Variants in CD4 observed in about 807,000 individuals in gnomAD.
CD4 encodes T-cell surface glycoprotein CD4.
Under a neutral mutation model 50.5 loss-of-function variants are expected in CD4, and 25 were observed. The observed-to-expected ratio is 0.49, with a 90% CI of 0.36 to 0.69. CD4 has a LOEUF of 0.69. CD4 is among the 30% of genes least tolerant of loss of function. The pLI, the probability that CD4 is intolerant of heterozygous loss-of-function variation, is 0.00. For synonymous variants in CD4, 207 were observed against 221.9 expected (o/e 0.93, Z 0.60); for missense variants, 456 against 548.5 (o/e 0.83, Z 1.68).
At chr12:6,794,812 T>C (rs532240369) in intron 1 of CD4, among the ~76,000 whole-genome samples, 44 of 144,652 alleles carry the variant, frequency 3.0e-4, no homozygotes, top group Non-Finnish European at 5.7e-4. Context: ...TGAGATAGAG[T>C]CTTGCTCTGT....
rs1459030507 is a variant in CD4, at chr12:6,818,472, G to A, written c.1208G>A (p.Gly403Glu). 6.2e-7 allele frequency: 1 copy of A among 1,612,896 alleles called. No homozygotes were observed. The highest frequency in any genetic ancestry group is 1.7e-5 in the Admixed American group (1 of 60,016). ...CAGCCAATGGCCCTGATTGTGCTGGGGGGCGTCGCCGGCCTCCTGCTTTTC... is the reference window on the plus strand; with the variant it reads ...CAGCCAATGGCCCTGATTGTGCTGGAGGGCGTCGCCGGCCTCCTGCTTTTC... Reference protein sequence around the residue: ...PVQPMALIVLGGVAGLLLFIG... With the variant: ...PVQPMALIVLEGVAGLLLFIG... Residue 403 changes from glycine (G) to glutamate (E), a missense_variant, in exon 8 of 10, where the codon GGG becomes GAG. Coordinates refer to ENST00000011653, the MANE Select transcript of CD4 (RefSeq NM_000616.5). The surrounding 1 kb of genome is among the most constrained non-coding windows in gnomAD (Gnocchi z 5.0).
At chr12:6,791,185 C>T (rs1029556160) in intron 1 of CD4, among the ~76,000 whole-genome samples, 1 of 152,190 alleles carries the variant, frequency 6.6e-6, no homozygotes, top group Non-Finnish European at 1.5e-5. Context: ...TGACCCTGGC[C>T]GTAATGGCGG....
chr12:6,803,918 T>G (rs988156964), intron 3 of CD4, among the ~76,000 whole-genome samples: 3 of 151,918 alleles, frequency 2.0e-5, no homozygotes, highest in Non-Finnish European at 4.4e-5. Flanking sequence ...AAGACCATCC[T>G]GGCTAACACA....
intron 3 of CD4, among the ~76,000 whole-genome samples, chr12:6,805,337 C>A (rs1371409612): frequency 6.6e-5 from 10 of 151,560 alleles, no homozygotes; most frequent in African/African-American, 2.4e-4. Context: ...TTGAGGCTGG[C>A]GGATCACTTG....
intron 1 of CD4, 105 bp from the exon 2 acceptor site, chr12:6,799,967 T>C (rs1393809736): frequency 4.7e-5 from 29 of 619,114 alleles, no homozygotes; most frequent in Non-Finnish European, 1.2e-5. Flanking sequence ...CTGCCTCAAG[T>C]TCACTAGGCT....
intron 4 of CD4, 99 bp from the exon 5 acceptor site, chr12:6,814,660 T>C: frequency 6.4e-6 from 6 of 931,540 alleles, no homozygotes; most frequent in Non-Finnish European, 1.1e-5. Context: ...AAGGAGATGT[T>C]GGGACGGCGA....
At chr12:6,815,203 C>T (rs1943054481) in intron 5 of CD4, 5 of 542,988 alleles carry the variant, frequency 9.2e-6, no homozygotes, top group Non-Finnish European at 1.6e-5. Flanking sequence ...GTGTGGTGGA[C>T]ATGGAGAAAG....
At chr12:6,802,945 G>C (rs1345996283) in intron 3 of CD4, among the ~76,000 whole-genome samples, 1 of 151,382 alleles carries the variant, frequency 6.6e-6, no homozygotes, top group Non-Finnish European at 1.5e-5. Flanking sequence ...CATGCTAGCA[G>C]GATGGTCTCA....
chr12:6,808,076 T>A (rs11838233), intron 3 of CD4, among the ~76,000 whole-genome samples: 15,509 of 117,660 alleles, frequency 0.13, 1,911 homozygotes, highest in African/African-American at 0.34. Context: ...TGAGGCTCTT[T>A]CTCAAAAAAA....
intron 1 of CD4, among the ~76,000 whole-genome samples, chr12:6,791,706 C>A (rs1263892006): frequency 6.6e-6 from 1 of 152,096 alleles, no homozygotes; most frequent in Non-Finnish European, 1.5e-5. Flanking sequence ...CATGGTGAAA[C>A]CCCCATCTCT....
intron 7 of CD4, among the ~76,000 whole-genome samples, chr12:6,817,546 G>T (rs113751446): frequency 1.1e-4 from 17 of 152,240 alleles, no homozygotes; most frequent in African/African-American, 3.9e-4. Flanking sequence ...GCTGCCAGTT[G>T]TAATTCTACA....
At chr12:6,790,626 A>C (rs1942128318) in intron 1 of CD4, among the ~76,000 whole-genome samples, 1 of 152,182 alleles carries the variant, frequency 6.6e-6, no homozygotes, top group South Asian at 2.1e-4. Context: ...AGGGAGAGTG[A>C]GGACTCACTG....
Position 6,818,102 on chromosome 12 carries a change from G to A in CD4, c.1157-319G>A, listed in dbSNP as rs76839164. Among the ~76,000 whole-genome samples the A allele has an allele frequency of 0.058, 6,476 of 111,976 alleles. 422 individuals carry two copies. The highest frequency in any genetic ancestry group is 0.18 in the African/African-American group (5,984 of 33,512). The allele number at this position is 111,976 out of a possible 152,430, so 73.5% of individuals were successfully genotyped here. Reference sequence around the variant, plus strand: ...CATGGACTCACACGCGCACACGCGCGCACACACACACATTCACACCATTCA... The same window carrying A: ...CATGGACTCACACGCGCACACGCGCACACACACACACATTCACACCATTCA... On this transcript the variant is annotated intron_variant, in intron 7 of 9. Transcript: ENST00000011653. This position sits in a 1 kb window ranked among gnomAD's most constrained non-coding sequence, Gnocchi z 5.0.
intron 3 of CD4, among the ~76,000 whole-genome samples, chr12:6,801,770 C>T (rs1240936981): frequency 1.3e-5 from 2 of 150,010 alleles, no homozygotes; most frequent in Non-Finnish European, 3.0e-5. Context: ...CGGTGTTAGC[C>T]AGGCTGGTCT....
At chr12:6,790,908 C>T (rs546390385) in intron 1 of CD4, among the ~76,000 whole-genome samples, 61 of 152,326 alleles carry the variant, frequency 4.0e-4, no homozygotes, top group African/African-American at 1.4e-3. Flanking sequence ...CGGGGCAAGG[C>T]TAAGAGCAGG....
rs1310185463 is a variant in CD4 at position 6,794,780 on chromosome 12, TTTTTTG to T, written c.-68+5124_-68+5129del. ...ATCTATCTGTCTGTATGTCTGTTTT[TTTTTTG>T]TTTTTTTTTTTTTTTTGAGATAGAG... On this transcript the variant is annotated intron_variant, in intron 1 of 9. Transcript: ENST00000011653. Among the ~76,000 whole-genome samples, 1,164 of 133,364 alleles carry T rather than the reference TTTTTTG, an allele frequency of 8.7e-3. 53 individuals are homozygous for T. The highest frequency in any genetic ancestry group is 0.029 in the African/African-American group (1,032 of 35,262). 87.5% of individuals were successfully genotyped at this position (133,364 alleles called of 152,430 possible).
intron 3 of CD4, among the ~76,000 whole-genome samples, chr12:6,807,565 AG>A (rs1942802908): frequency 6.6e-6 from 1 of 152,124 alleles, no homozygotes; most frequent in African/African-American, 2.4e-5. Context: ...TAAGGGGCTC[AG>A]GGATGGGGAG....
chr12:6,816,032 G>A lies in CD4; in HGVS notation c.608-24G>A. On this transcript the variant is annotated intron_variant, in intron 5 of 9. Transcript: ENST00000011653. This position sits in a 1 kb window ranked among gnomAD's most constrained non-coding sequence, Gnocchi z 4.9. ...CCTCATCTTCCTATCTCCTCACCCA[G>A]GGTCTCTCCCTTCCCACCTCCAGCT... The A allele has an allele frequency of 4.3e-6, 7 of 1,613,664 alleles. No individual in the cohort carries two copies. The highest frequency in any genetic ancestry group is 5.1e-6 in the Non-Finnish European group (6 of 1,179,914).
chr12:6,815,911 G>A (rs935741331), intron 5 of CD4, 145 bp from the exon 6 acceptor site: 4 of 1,520,812 alleles, frequency 2.6e-6, no homozygotes, highest in Non-Finnish European at 3.5e-6. Context: ...AGGTAGGAAG[G>A]AACTGAAGTA....
Sources: gnomAD v4.1 joint callset for allele counts (sites outside exome capture counted in the v4.1 genomes callset) on GRCh38, gnomAD v4.1.1 for gene constraint, Gnocchi (gnomAD v3.1) non-coding constraint, MANE v1.5 for transcripts, NCBI Gene and HGNC (gene_info 2026-07-23, HGNC 2026-07-21) for gene names.